SLC5A4: variants seen among roughly 807,000 people sequenced by gnomAD.
SLC5A4 encodes solute carrier family 5 member 4.
SLC5A4 carries 55 observed loss-of-function variants against 70.3 expected under a neutral mutation model. The observed-to-expected ratio is 0.78, with a 90% CI of 0.63 to 0.98. SLC5A4 has a LOEUF of 0.98. Among genes scored for constraint, SLC5A4 ranks in the 50% least tolerant of loss-of-function variants. The probability of loss-of-function intolerance (pLI) is 0.00; values close to 1 mark genes in which losing one functional copy is unlikely to be tolerated. For missense variants in SLC5A4, 735 were observed against 839.2 expected (o/e 0.88, Z 1.53); for synonymous variants, 268 against 305.7 (o/e 0.88, Z 1.29).
At chr22:32,302,659 T>C in the SLC5A4 span, among the ~76,000 whole-genome samples, 1 of 152,324 alleles carries the variant, frequency 6.6e-6, no homozygotes. Flanking sequence ...TTAAGTTCTC[T>C]GTTCTGTTCC....
At chr22:32,270,125 GGAC>G in the SLC5A4 span, 1 of 562,250 alleles carries the variant, frequency 1.8e-6, no homozygotes, top group Non-Finnish European at 3.4e-6. Context: ...CCGTGTCACA[GGAC>G]GACATGGACG....
chr22:32,339,805 C>T, the SLC5A4 span, among the ~76,000 whole-genome samples: 3 of 152,328 alleles, frequency 2.0e-5, no homozygotes, highest in African/African-American at 4.8e-5. Context: ...GGGCCAATGG[C>T]AGATCAGAAG....
the SLC5A4 span, among the ~76,000 whole-genome samples, chr22:32,347,928 T>G: frequency 6.6e-6 from 1 of 152,234 alleles, no homozygotes; most frequent in Middle Eastern, 3.4e-3. Flanking sequence ...CAATGCCTAT[T>G]AAAAAACGGT....
chr22:32,218,573 T>G lies in SLC5A4; in HGVS notation c.1921A>C (p.Asn641His), dbSNP rs374909170. 1 of 1,613,892 alleles carries G rather than the reference T, an allele frequency of 6.2e-7. No individual in the cohort carries two copies. Among genetic ancestry groups the G allele is most frequent in the African/African-American group, 1.3e-5 (1 of 74,834 alleles). The change falls in exon 15 of 15, where the codon AAC (asparagine) becomes CAC (histidine). Residue 641 changes from asparagine (N) to histidine (H), a missense_variant. By Grantham distance (68) the Asn-to-His change is moderately conservative. Coordinates refer to ENST00000266086, the MANE Select transcript of SLC5A4 (RefSeq NM_014227.3). ...SERPSWRTIV[N>H]INAILLLAVV... ...GCCAGGAGGAGGATGGCGTTGATGT[T>G]CACTATTGTCCTCCACGAGGGCCTC...
At chr22:32,295,223 C>T in the SLC5A4 span, among the ~76,000 whole-genome samples, 1 of 105,474 alleles carries the variant, frequency 9.5e-6, no homozygotes. Context: ...AGTTCTAGAT[C>T]CCTGAGGAAT....
At chr22:32,300,386 A>G in the SLC5A4 span, among the ~76,000 whole-genome samples, 4 of 152,082 alleles carry the variant, frequency 2.6e-5, no homozygotes, top group African/African-American at 9.7e-5. Flanking sequence ...AACCAGTCGG[A>G]AAAGCGCAGT....
At chr22:32,335,884 A>G in the SLC5A4 span, among the ~76,000 whole-genome samples, 1 of 152,184 alleles carries the variant, frequency 6.6e-6, no homozygotes, top group Non-Finnish European at 1.5e-5. Context: ...GCAGGGAGCG[A>G]GCATCCTCCA....
At chr22:32,224,817 G>C (rs1046463810) in intron 12 of SLC5A4, among the ~76,000 whole-genome samples, 1 of 152,190 alleles carries the variant, frequency 6.6e-6, no homozygotes, top group African/African-American at 2.4e-5. Context: ...AAAATAAGCA[G>C]AAGTATCAAT....
the SLC5A4 span, among the ~76,000 whole-genome samples, chr22:32,294,380 A>G: frequency 6.8e-6 from 1 of 148,040 alleles, no homozygotes; most frequent in Non-Finnish European, 1.5e-5. Context: ...ATGCACATGC[A>G]ATTGTGAGAA....
the SLC5A4 span, among the ~76,000 whole-genome samples, chr22:32,333,199 C>CCG: frequency 1.4e-5 from 2 of 147,710 alleles, no homozygotes; most frequent in South Asian, 2.2e-4. Context: ...CACTGGCACC[C>CCG]CCCCCCCAGA....
At chr22:32,329,661 GGT>G in the SLC5A4 span, among the ~76,000 whole-genome samples, 16 of 58,750 alleles carry the variant, frequency 2.7e-4, no homozygotes, top group East Asian at 7.2e-4. Context: ...TGGGGGCTCT[GGT>G]GTGTGTGTGT....
intron 10 of SLC5A4, 121 bp downstream of exon 10, chr22:32,230,847 C>T: frequency 3.0e-6 from 2 of 657,634 alleles, no homozygotes; most frequent in African/African-American, 1.8e-5. Flanking sequence ...AGAAGGTGCT[C>T]AAGAAATGTC....
chr22:32,333,202 C>CG, the SLC5A4 span, among the ~76,000 whole-genome samples: 12 of 148,946 alleles, frequency 8.1e-5, no homozygotes, highest in African/African-American at 2.7e-4. Context: ...TGGCACCCCC[C>CG]CCCCAGAAGA....
intron 10 of SLC5A4, among the ~76,000 whole-genome samples, chr22:32,230,753 T>C (rs1025151523): frequency 6.6e-6 from 1 of 152,242 alleles, no homozygotes; most frequent in Non-Finnish European, 1.5e-5. Flanking sequence ...GTCTTGAATC[T>C]GAAGGAGTAA....
intron 13 of SLC5A4, among the ~76,000 whole-genome samples, chr22:32,222,115 T>C (rs1004092292): frequency 3.9e-5 from 6 of 152,234 alleles, no homozygotes; most frequent in African/African-American, 1.4e-4. Context: ...CTCATTTTAA[T>C]TTGGCTCATG....
chr22:32,264,675 A>C, the SLC5A4 span, among the ~76,000 whole-genome samples: 1 of 152,238 alleles, frequency 6.6e-6, no homozygotes, highest in Non-Finnish European at 1.5e-5. Flanking sequence ...AAGTCCTAAA[A>C]GAGAAATAAC....
chr22:32,327,091 G>C, the SLC5A4 span: 1 of 152,268 alleles, frequency 6.6e-6, no homozygotes, highest in African/African-American at 2.4e-5. Flanking sequence ...ATTTGTGATA[G>C]TTTATTACAG....
At chr22:32,344,879 G>C in the SLC5A4 span, among the ~76,000 whole-genome samples, 2 of 151,988 alleles carry the variant, frequency 1.3e-5, no homozygotes, top group African/African-American at 4.8e-5. Context: ...TCAGAATACG[G>C]AAATTAAAGA....
the SLC5A4 span, among the ~76,000 whole-genome samples, chr22:32,319,411 G>T: frequency 1.3e-5 from 2 of 151,008 alleles, no homozygotes; most frequent in African/African-American, 4.9e-5. Flanking sequence ...GCTCTCCTGG[G>T]TCTCAGACCT....
Sources: gnomAD v4.1 joint callset for allele counts (sites outside exome capture counted in the v4.1 genomes callset) on GRCh38, gnomAD v4.1.1 for gene constraint, MANE v1.5 for transcripts, NCBI Gene and HGNC (gene_info 2026-07-23, HGNC 2026-07-21) for gene names.